Variants in SCFD2 observed in about 807,000 individuals in gnomAD.
SCFD2 encodes the protein sec1 family domain containing 2, also known as sec1 family domain-containing protein 2.
SCFD2 carries 54 observed loss-of-function variants against 58.9 expected under a neutral mutation model. The ratio of observed to expected loss-of-function variants is 0.92; its 90% CI spans 0.74 to 1.15. The LOEUF (loss-of-function observed/expected upper bound fraction) is 1.15, where lower values mean the gene tolerates loss of function less well. Among genes scored for constraint, SCFD2 ranks in the 50% most tolerant of loss-of-function variants. SCFD2 has a pLI of 0.00. For missense variants in SCFD2, 805 were observed against 836.6 expected (o/e 0.96, Z 0.47); for synonymous variants, 321 against 335.9 (o/e 0.96, Z 0.49).
chr4:53,190,050 T>C (rs1727847515), intron 4 of SCFD2, among the ~76,000 whole-genome samples: 1 of 152,100 alleles, frequency 6.6e-6, no homozygotes, highest in Admixed American at 6.5e-5. Flanking sequence ...CACAGAAAGG[T>C]CTAACTCTAT....
intron 8 of SCFD2, among the ~76,000 whole-genome samples, chr4:52,875,345 T>C (rs1718445643): frequency 6.6e-6 from 1 of 152,142 alleles, no homozygotes; most frequent in African/African-American, 2.4e-5. Flanking sequence ...GGGGGCGTGA[T>C]GTGCTTTGCA....
chr4:53,290,468 A>C (rs1201950519), intron 3 of SCFD2, among the ~76,000 whole-genome samples: 1 of 152,188 alleles, frequency 6.6e-6, no homozygotes, highest in East Asian at 1.9e-4. Context: ...TAGGTGAAGC[A>C]ATAGCAGTTC....
intron 4 of SCFD2, among the ~76,000 whole-genome samples, chr4:53,197,009 A>G (rs1228735393): frequency 6.6e-6 from 1 of 152,094 alleles, no homozygotes; most frequent in African/African-American, 2.4e-5. Context: ...AGCCTCAAAG[A>G]CACCCTGTGT....
chr4:53,177,688 C>T (rs908234420), intron 4 of SCFD2, among the ~76,000 whole-genome samples: 1 of 152,056 alleles, frequency 6.6e-6, no homozygotes, highest in Non-Finnish European at 1.5e-5. Flanking sequence ...TGCAGCGCAC[C>T]GTGTGCGAGC....
At chr4:53,252,629 T>G (rs912868247) in intron 4 of SCFD2, among the ~76,000 whole-genome samples, 1 of 151,808 alleles carries the variant, frequency 6.6e-6, no homozygotes, top group Non-Finnish European at 1.5e-5. Context: ...AAACAAGCAA[T>G]GGGGAAAGGA....
chr4:52,992,231 G>C (rs1393478194), intron 5 of SCFD2, among the ~76,000 whole-genome samples: 1 of 152,192 alleles, frequency 6.6e-6, no homozygotes, highest in African/African-American at 2.4e-5. Context: ...GTTTCGCTGT[G>C]TTGGCCGGGC....
intron 5 of SCFD2, among the ~76,000 whole-genome samples, chr4:52,993,423 A>G (rs965752360): frequency 1.7e-4 from 26 of 152,084 alleles, no homozygotes; most frequent in African/African-American, 1.4e-4. Context: ...TAAAAAAAGT[A>G]TGTTTTTTAA....
chr4:53,043,950 G>A (rs894324316), intron 5 of SCFD2, among the ~76,000 whole-genome samples: 2 of 152,124 alleles, frequency 1.3e-5, no homozygotes, highest in Non-Finnish European at 2.9e-5. Context: ...CACAGTTAAT[G>A]TTAGACGCTG....
intron 5 of SCFD2, among the ~76,000 whole-genome samples, chr4:53,123,532 T>TA (rs796927242): frequency 3.1e-5 from 3 of 95,382 alleles, no homozygotes; most frequent in African/African-American, 1.3e-4. Context: ...GAGATGGGGG[T>TA]GGGGGGGGGG....
chr4:53,211,019 C>T (rs565134184), intron 4 of SCFD2, among the ~76,000 whole-genome samples: 1 of 151,958 alleles, frequency 6.6e-6, no homozygotes, highest in South Asian at 2.1e-4. Context: ...CTGAGTCAGG[C>T]AGATCATGAG....
At chr4:52,901,057 TAGGAA>T (rs1429374409) in intron 7 of SCFD2, among the ~76,000 whole-genome samples, 2 of 152,166 alleles carry the variant, frequency 1.3e-5, no homozygotes, top group African/African-American at 4.8e-5. Context: ...TTTCTTTGAC[TAGGAA>T]AGGAAACTCC....
chr4:53,348,624 C>A (rs138614336), intron 2 of SCFD2, among the ~76,000 whole-genome samples: 1 of 152,244 alleles, frequency 6.6e-6, no homozygotes, highest in East Asian at 1.9e-4. Flanking sequence ...TACAACCTGA[C>A]TTCTGGTTTC....
intron 4 of SCFD2, among the ~76,000 whole-genome samples, chr4:53,245,718 A>G (rs762134280): frequency 1.3e-5 from 2 of 152,178 alleles, no homozygotes; most frequent in Non-Finnish European, 2.9e-5. Context: ...AGTAAGGACC[A>G]TCTATGCCAA....
rs540168742 is a variant in SCFD2, at chr4:53,201,427, T to C, written c.1312-55845A>G. Among the ~76,000 whole-genome samples, 3 of 152,306 alleles carry C rather than the reference T, an allele frequency of 2.0e-5. No individual in the cohort carries two copies. In the East Asian group the frequency reaches 5.8e-4, roughly 29 times the overall value. ...ATTTTCTTAATCCAGTCTATCATTG[T>C]TGGACATTTGGGATGGTTTCAAGTC... On this transcript the variant is annotated intron_variant, in intron 4 of 8. Transcript: ENST00000401642.
chr4:52,889,490 G>A (rs769559575), intron 7 of SCFD2, among the ~76,000 whole-genome samples: 2 of 152,114 alleles, frequency 1.3e-5, no homozygotes, highest in Non-Finnish European at 2.9e-5. Context: ...GATAAAGTTC[G>A]AACTCTGTAT....
At chr4:53,016,601 G>A (rs1001813905) in intron 5 of SCFD2, among the ~76,000 whole-genome samples, 5 of 152,104 alleles carry the variant, frequency 3.3e-5, no homozygotes, top group African/African-American at 9.7e-5. Context: ...ATGAGTATTC[G>A]AAATATTCTT....
At chr4:52,913,983 T>C (rs147149831) in intron 6 of SCFD2, among the ~76,000 whole-genome samples, 8 of 152,354 alleles carry the variant, frequency 5.3e-5, no homozygotes, top group African/African-American at 1.9e-4. Flanking sequence ...GTCTCTGCCA[T>C]AGACACACTG....
chr4:53,078,596 G>A (rs555159372), intron 5 of SCFD2, among the ~76,000 whole-genome samples: 1 of 152,206 alleles, frequency 6.6e-6, no homozygotes, highest in East Asian at 1.9e-4. Flanking sequence ...GTTCTAAGTG[G>A]TTCAAATATA....
intron 5 of SCFD2, among the ~76,000 whole-genome samples, chr4:53,056,649 G>A (rs1221348669): frequency 6.6e-6 from 1 of 152,062 alleles, no homozygotes; most frequent in Non-Finnish European, 1.5e-5. Context: ...AGATTTTTCA[G>A]AATATATTGT....
Sources: allele counts gnomAD v4.1 joint callset (sites outside exome capture counted in the v4.1 genomes callset), GRCh38; gene constraint gnomAD v4.1.1; transcripts MANE v1.5; gene names NCBI Gene and HGNC (gene_info 2026-07-23, HGNC 2026-07-21).